Variants in SDK1 observed in about 807,000 individuals in gnomAD.
The protein encoded by SDK1 is sidekick cell adhesion molecule 1.
SDK1 carries 157 observed loss-of-function variants against 245.5 expected under a neutral mutation model. The ratio of observed to expected loss-of-function variants is 0.64; its 90% CI spans 0.56 to 0.73. SDK1 has a LOEUF of 0.73. Among genes scored for constraint, SDK1 ranks in the 30% least tolerant of loss-of-function variants. The pLI, the probability that SDK1 is intolerant of heterozygous loss-of-function variation, is 0.00. For missense variants in SDK1, 3,583 were observed against 3,002.3 expected, an observed-to-expected ratio of 1.19 and a Z score of -4.52; for synonymous variants, 1,647 against 1,278.5, an observed-to-expected ratio of 1.29 and a Z score of -6.15.
At chr7:3,674,704 G>A (rs889756196) in intron 4 of SDK1, among the ~76,000 whole-genome samples, 2 of 152,144 alleles carry the variant, frequency 1.3e-5, no homozygotes, top group African/African-American at 4.8e-5. Flanking sequence ...GCAGGGAAGA[G>A]CCCTGATGTG....
At chr7:4,217,347 ACCCGGAGAACCAGG>A (rs2128230477) in intron 38 of SDK1, among the ~76,000 whole-genome samples, 2 of 122,962 alleles carry the variant, frequency 1.6e-5, no homozygotes, top group African/African-American at 6.2e-5. Context: ...GAACCACGCC[ACCCGGAGAACCAGG>A]CCACCCGGAG....
chr7:4,178,447 C>T (rs1269109546), intron 34 of SDK1, 38 bp from the exon 35 acceptor site: 6 of 1,450,608 alleles, frequency 4.1e-6, no homozygotes, highest in Admixed American at 1.7e-5. Flanking sequence ...GAAGGTGGTC[C>T]TGGTGGAAGC....
chr7:3,503,931 C>G (rs1268581103), intron 1 of SDK1, among the ~76,000 whole-genome samples: 2 of 151,866 alleles, frequency 1.3e-5, no homozygotes, highest in Non-Finnish European at 2.9e-5. Flanking sequence ...GTGGGCGGAT[C>G]ACGAGGTCAG....
intron 1 of SDK1, among the ~76,000 whole-genome samples, chr7:3,601,267 T>G (rs1781246374): frequency 6.6e-6 from 1 of 152,322 alleles, no homozygotes; most frequent in African/African-American, 2.4e-5. Context: ...CTCTACTGTT[T>G]TCTGGACAAA....
In SDK1 at chr7:4,228,842, C is replaced by G. The variant is rs1176130520; in HGVS notation, c.5828-4413C>G. ...CGGGAGCCACTGCACCCGGCCCTTG[C>G]TTTTCCTACAACGGCAACACAGCTC... On this transcript the variant is annotated intron_variant, in intron 40 of 44. Coordinates refer to ENST00000404826, the MANE Select transcript of SDK1 (RefSeq NM_152744.4). 3.3e-5 allele frequency among the ~76,000 whole-genome samples: 5 copies of G among 152,282 alleles called. No individual in the cohort carries two copies. In the East Asian group the frequency reaches 9.7e-4, roughly 29 times the overall value.
chr7:3,393,346 T>C (rs1781810280), intron 1 of SDK1, among the ~76,000 whole-genome samples: 2 of 152,172 alleles, frequency 1.3e-5, no homozygotes, highest in South Asian at 4.1e-4. Context: ...TGTTTAGCTT[T>C]ATGAGGAAAT....
At chr7:4,247,479 A>C (rs1040469888) in intron 44 of SDK1, among the ~76,000 whole-genome samples, 4 of 152,356 alleles carry the variant, frequency 2.6e-5, no homozygotes, top group Admixed American at 2.0e-4. Flanking sequence ...ATAAAGAAAA[A>C]GCTTATCAGA....
chr7:3,655,411 C>A (rs2128657300), intron 4 of SDK1, among the ~76,000 whole-genome samples: 1 of 135,928 alleles, frequency 7.4e-6, no homozygotes, highest in Non-Finnish European at 1.5e-5. Context: ...CCAGCCTGGG[C>A]AACAAGAGCG....
At chr7:3,374,768 T>C (rs1333201500) in intron 1 of SDK1, among the ~76,000 whole-genome samples, 1 of 152,138 alleles carries the variant, frequency 6.6e-6, no homozygotes, top group African/African-American at 2.4e-5. Flanking sequence ...AGGTCTCAGA[T>C]TCAGTAATAT....
chr7:4,250,383 G>A (rs970257736), intron 44 of SDK1, among the ~76,000 whole-genome samples: 5 of 151,532 alleles, frequency 3.3e-5, no homozygotes, highest in Admixed American at 6.6e-5. Context: ...TTGCTCTGTC[G>A]CTCAGGCTGG....
intron 1 of SDK1, among the ~76,000 whole-genome samples, chr7:3,469,495 C>T (rs540856524): frequency 6.2e-4 from 94 of 152,256 alleles, no homozygotes; most frequent in African/African-American, 2.2e-3. Context: ...AGGTGATGTA[C>T]ACTTCTTTAG....
intron 5 of SDK1, among the ~76,000 whole-genome samples, chr7:3,919,105 C>A (rs1237506266): frequency 6.6e-6 from 1 of 152,146 alleles, no homozygotes; most frequent in African/African-American, 2.4e-5. Flanking sequence ...TATATTCCAT[C>A]TCACATAATC....
At chr7:3,613,489 G>A (rs955614123) in intron 1 of SDK1, among the ~76,000 whole-genome samples, 1 of 152,096 alleles carries the variant, frequency 6.6e-6, no homozygotes, top group Non-Finnish European at 1.5e-5. Context: ...TTGAGTTACA[G>A]GCATTCTAAC....
intron 1 of SDK1, among the ~76,000 whole-genome samples, chr7:3,568,670 C>G (rs1014354137): frequency 2.0e-5 from 3 of 152,178 alleles, no homozygotes; most frequent in Non-Finnish European, 4.4e-5. Flanking sequence ...CTGTGGCAGA[C>G]AGAGCCATTA....
intron 31 of SDK1, 124 bp downstream of exon 31, chr7:4,158,675 C>A (rs540614344): frequency 3.0e-6 from 2 of 660,586 alleles, no homozygotes; most frequent in Admixed American, 4.8e-5. Context: ...CAGTAGAATT[C>A]CATTAGTGAC....
chr7:4,151,979 T>G lies in SDK1; in HGVS notation c.4625+2516T>G, dbSNP rs542975954. 9.2e-5 allele frequency among the ~76,000 whole-genome samples: 14 copies of G among 152,184 alleles called. No homozygotes were observed. In the South Asian group the frequency reaches 2.9e-3, roughly 32 times the overall value. ...CGTATGAAAACCCAGTGTGTGTGCA[T>G]CTGAACACCAAACTTTCCACAGTCA... On this transcript the variant is annotated intron_variant, in intron 30 of 44. Coordinates refer to ENST00000404826, the MANE Select transcript of SDK1 (RefSeq NM_152744.4).
At chr7:3,685,631 G>A (rs1784259362) in intron 4 of SDK1, among the ~76,000 whole-genome samples, 2 of 152,114 alleles carry the variant, frequency 1.3e-5, no homozygotes, top group Non-Finnish European at 2.9e-5. Flanking sequence ...CTCAGTGAAT[G>A]TAGAAGAAAT....
intron 29 of SDK1, among the ~76,000 whole-genome samples, chr7:4,147,641 A>C (rs1780065702): frequency 6.6e-6 from 1 of 152,032 alleles, no homozygotes; most frequent in Non-Finnish European, 1.5e-5. Context: ...TATTAGCTGG[A>C]GGGACGGAAG....
At position 4,020,290 on chromosome 7, in the gene SDK1, GA is replaced by G. The variant is rs149220134; in HGVS notation, c.2602+2939del. Among the ~76,000 whole-genome samples, 1,470 of 152,234 alleles carry G rather than the reference GA, an allele frequency of 9.7e-3. 23 individuals are homozygous for G. Among genetic ancestry groups the G allele is most frequent in the African/African-American group, 0.034 (1,415 of 41,548 alleles). ...AGGAAGGGTGGTCCATGGCCTGGGG[GA>G]CATGGCTGGCTTGGCTGGCTGCACA... is the stretch of plus-strand genomic sequence containing the variant. On this transcript the variant is annotated intron_variant, in intron 17 of 44. Transcript: ENST00000404826.
Sources: allele counts gnomAD v4.1 joint callset (sites outside exome capture counted in the v4.1 genomes callset), GRCh38; gene constraint gnomAD v4.1.1; transcripts MANE v1.5; gene names NCBI Gene and HGNC (gene_info 2026-07-23, HGNC 2026-07-21).